The following CDR2 variants were observed in gnomAD, a reference collection of about 807,000 sequenced individuals.
The protein encoded by CDR2 is cerebellar degeneration-related protein 2.
A neutral mutation model predicts 48.4 loss-of-function variants in CDR2; 34 were observed. The observed-to-expected ratio is 0.70, with a 90% CI of 0.53 to 0.94. The LOEUF (loss-of-function observed/expected upper bound fraction) is 0.94, where lower values mean the gene tolerates loss of function less well. CDR2 is among the 40% of genes least tolerant of loss of function. The pLI is 0.00. For synonymous variants in CDR2, 240 were observed against 219.7 expected, an observed-to-expected ratio of 1.09 and a Z score of -0.82; for missense variants, 498 against 549.5, an observed-to-expected ratio of 0.91 and a Z score of 0.94.
intron 2 of CDR2, among the ~76,000 whole-genome samples, chr16:22,359,936 A>C (rs1385669143): frequency 6.6e-6 from 1 of 152,270 alleles, no homozygotes; most frequent in Non-Finnish European, 1.5e-5. Context: ...AAAATAAAGC[A>C]AATCAATTAA....
chr16:22,370,067 AATAAT>A (rs1458634786), intron 1 of CDR2, among the ~76,000 whole-genome samples: 1 of 152,182 alleles, frequency 6.6e-6, no homozygotes, highest in African/African-American at 2.4e-5. Context: ...CTTTGCAGGT[AATAAT>A]ATATTTTTAA....
At chr16:22,356,447 G>T (rs1046573969) in intron 2 of CDR2, among the ~76,000 whole-genome samples, 1 of 151,066 alleles carries the variant, frequency 6.6e-6, no homozygotes, top group East Asian at 2.0e-4. Context: ...GCAAAACCCC[G>T]TCTCTACTAA....
In CDR2 at chr16:22,346,027, G is replaced by GC. The variant is rs1163982325; in HGVS notation, c.*937dup. On this transcript the variant is annotated 3_prime_UTR_variant, in exon 5 of 5. Coordinates refer to ENST00000268383, the MANE Select transcript of CDR2 (RefSeq NM_001802.2). The stretch of plus-strand genomic sequence containing the variant: ...TTAAATAGTTTTAAGTTAAAAGAAT[G>GC]CAAGTGAGAGGATGTTTCCACAGTC... 6.6e-6 allele frequency: 1 copy of GC among 152,520 alleles called. No homozygotes were observed. Among genetic ancestry groups the GC allele is most frequent in the East Asian group, 1.9e-4 (1 of 5,198 alleles). 9.4% of individuals were successfully genotyped at this position (152,520 alleles called of 1,614,324 possible).
Position 22,374,413 on chromosome 16 carries a change from G to C in CDR2, c.-104C>G, listed in dbSNP as rs530777319. 210 of 578,348 alleles carry C rather than the reference G, an allele frequency of 3.6e-4. No individual in the cohort carries two copies. Among genetic ancestry groups the C allele is most frequent in the African/African-American group, 3.0e-3 (150 of 50,526 alleles). The allele number at this position is 578,348 out of a possible 1,614,324, so 35.8% of individuals were successfully genotyped here. On this transcript the variant is annotated 5_prime_UTR_variant, in exon 1 of 5. Transcript: ENST00000268383. ...TCCGCCCTCAGCCAGAGCCGCCCTC[G>C]GGCGGGACGCGCCGCCGCCCAGACT...
intron 1 of CDR2, among the ~76,000 whole-genome samples, chr16:22,370,425 TC>T (rs2049068330): frequency 6.6e-6 from 1 of 152,182 alleles, no homozygotes; most frequent in Admixed American, 6.5e-5. Context: ...CATTTACTGA[TC>T]CACATAACAG....
In CDR2 at chr16:22,347,042, A is replaced by G; in HGVS notation, c.1288T>C (p.Phe430Leu). The change falls in exon 5 of 5, where the codon TTT becomes CTT. Residue 430 changes from phenylalanine to leucine, a missense_variant. By Grantham distance (22) the Phe-to-Leu change is conservative. Transcript: ENST00000268383. ...PEYKALFKEI[F>L]SCIKKTKQEI... ...TGCTTAGTTTTCTTGATGCAACTAA[A>G]GATCTCCTTAAACAACGCTTTGTAT... 6.2e-7 allele frequency: 1 copy of G among 1,614,218 alleles called. No individual in the cohort carries two copies. Among genetic ancestry groups the G allele is most frequent in the Non-Finnish European group, 8.5e-7 (1 of 1,180,000 alleles).
chr16:22,369,479 CAAA>C (rs1298872449), intron 1 of CDR2, among the ~76,000 whole-genome samples: 2 of 152,040 alleles, frequency 1.3e-5, no homozygotes, highest in Non-Finnish European at 2.9e-5. Context: ...AGATAGCAAA[CAAA>C]AAAGAATTTG....
In CDR2 at chr16:22,361,897, CTTTTTTTT is replaced by C. The variant is rs11303236; in HGVS notation, c.192+2997_192+3004del. On this transcript the variant is annotated intron_variant, in intron 2 of 4. Coordinates refer to ENST00000268383, the MANE Select transcript of CDR2 (RefSeq NM_001802.2). ...AATAGTTTTATACATGAATTTTATA[CTTTTTTTT>C]TTTTTTTTTTTTTTGAGATGGAGTC... 1.2e-4 allele frequency among the ~76,000 whole-genome samples: 8 copies of C among 68,146 alleles called. No individual in the cohort carries two copies. The East Asian group carries it at 2.1e-3, about 18-fold the overall frequency. 44.7% of individuals were successfully genotyped at this position (68,146 alleles called of 152,430 possible). A position where few individuals can be genotyped will look rare whatever the true frequency, so the allele number is the denominator to read the frequency against.
rs2049101586 is a variant in CDR2, at chr16:22,374,232, T to A, written c.78A>T (p.Gln26His). 6.3e-7 allele frequency: 1 copy of A among 1,592,736 alleles called. No homozygotes were observed. The highest frequency in any genetic ancestry group is 8.6e-7 in the Non-Finnish European group (1 of 1,169,406). ...CCCGCGGGGCGCCCCCGCCCTCACC[T>A]TGCTGGAGGTCCTGGTGGTCGTACC... ...EPWYDHQDLQ[Q>H]DLQLAAELGK... Residue 26 changes from glutamine (Q) to histidine (H), a missense_variant and splice_region_variant, in exon 1 of 5, where the codon CAA becomes CAT. By Grantham distance (24) the Gln-to-His change is conservative. Coordinates refer to ENST00000268383, the MANE Select transcript of CDR2 (RefSeq NM_001802.2).
At position 22,349,746 on chromosome 16, in the gene CDR2, T is replaced by C. The variant is rs2048929734; in HGVS notation, c.296A>G (p.Gln99Arg). 6.2e-7 allele frequency: 1 copy of C among 1,614,218 alleles called. No homozygotes were observed. The highest frequency in any genetic ancestry group is 8.5e-7 in the Non-Finnish European group (1 of 1,180,018). Residue 99 changes from glutamine (Q) to arginine (R), a missense_variant, in exon 3 of 5, where the codon CAA becomes CGA. Coordinates refer to ENST00000268383, the MANE Select transcript of CDR2 (RefSeq NM_001802.2). Reference protein sequence around the residue: ...VTARELEETNQKLVADSKASQ... With the variant: ...VTARELEETNRKLVADSKASQ... ...GGCCTTGCTGTCAGCAACTAGCTTT[T>C]GATTTGTTTCTTCCAGTTCCCTTGC... is the stretch of plus-strand genomic sequence containing the variant.
Position 22,347,720 on chromosome 16 carries a change from T to G in CDR2, c.610A>C (p.Met204Leu). The change falls in exon 5 of 5, where the codon ATG becomes CTG. Residue 204 changes from methionine (M) to leucine (L), a missense_variant. Transcript: ENST00000268383. ...TCCAGGCTCAGCTGGGCCTGCAACA[T>G]TGTCACTGTTTTTTTCAAGTGCTCA... ...ENEHLKKTVTMLQAQLSLERQ... is the reference protein window; with the variant it reads ...ENEHLKKTVTLLQAQLSLERQ... 1 of 1,614,136 alleles carries G rather than the reference T, an allele frequency of 6.2e-7. No homozygotes were observed. Among genetic ancestry groups the G allele is most frequent in the South Asian group, 1.1e-5 (1 of 91,076 alleles).
chr16:22,368,673 C>T (rs1167384956), intron 1 of CDR2: 1 of 152,214 alleles, frequency 6.6e-6, no homozygotes, highest in African/African-American at 2.4e-5. Context: ...GGTTCTCACT[C>T]TCACTCTCAT....
At position 22,358,387 on chromosome 16, in the gene CDR2, T is replaced by C. The variant is rs566679617; in HGVS notation, c.192+6515A>G. On this transcript the variant is annotated intron_variant, in intron 2 of 4. Transcript: ENST00000268383. ...AATGCCTTGGGTTTATCTCACTGTC[T>C]AGGAATTTGCACAGACTGTCACCTC... Among the ~76,000 whole-genome samples, 5 of 152,292 alleles carry C rather than the reference T, an allele frequency of 3.3e-5. No homozygotes were observed. In the East Asian group the frequency reaches 9.6e-4, roughly 29 times the overall value.
chr16:22,358,613 G>T (rs774643397), intron 2 of CDR2, among the ~76,000 whole-genome samples: 4 of 152,176 alleles, frequency 2.6e-5, no homozygotes, highest in Admixed American at 6.5e-5. Context: ...TGGAAATCTG[G>T]CTTGTAAGCA....
chr16:22,370,591 T>G (rs989467199), intron 1 of CDR2, among the ~76,000 whole-genome samples: 1 of 152,198 alleles, frequency 6.6e-6, no homozygotes, highest in African/African-American at 2.4e-5. Flanking sequence ...GCTCCTGCTG[T>G]CCCAGAAAAG....
At chr16:22,362,048 C>T (rs2049014022) in intron 2 of CDR2, among the ~76,000 whole-genome samples, 1 of 151,948 alleles carries the variant, frequency 6.6e-6, no homozygotes, top group Admixed American at 6.6e-5. Flanking sequence ...ACTACAGGCG[C>T]CCGCCACCAC....
chr16:22,346,173 G>A lies in CDR2; in HGVS notation c.*792C>T, dbSNP rs1270826003. On this transcript the variant is annotated 3_prime_UTR_variant, in exon 5 of 5. Coordinates refer to ENST00000268383, the MANE Select transcript of CDR2 (RefSeq NM_001802.2). ...GGCAAGTCAGCCAGCTCAGAAAACA[G>A]GTAGGAAGGGAAGGGGTTTGATCTT... The A allele has an allele frequency of 6.6e-6, 1 of 152,370 alleles. No homozygotes were observed. The highest frequency in any genetic ancestry group is 1.5e-5 in the Non-Finnish European group (1 of 68,048). 9.4% of individuals were successfully genotyped at this position (152,370 alleles called of 1,614,324 possible). A position where few individuals can be genotyped will look rare whatever the true frequency, so the allele number is the denominator to read the frequency against.
Position 22,346,728 on chromosome 16 carries a change from C to T in CDR2, c.*237G>A, listed in dbSNP as rs1369835709. 1.3e-5 allele frequency: 7 copies of T among 527,864 alleles called. No individual in the cohort carries two copies. Among genetic ancestry groups the T allele is most frequent in the Admixed American group, 6.6e-5 (2 of 30,350 alleles). The allele number at this position is 527,864 out of a possible 1,614,324, so 32.7% of individuals were successfully genotyped here. On this transcript the variant is annotated 3_prime_UTR_variant, in exon 5 of 5. Transcript: ENST00000268383. ...TTTTCAGGAACTGAAGTCTAATCAG[C>T]GCGCCAGCCAGAGGCCAGTTTGTCA...
rs982085404 is a variant in CDR2 at position 22,346,425 on chromosome 16, A to T, written c.*540T>A. 6.5e-6 allele frequency: 1 copy of T among 154,956 alleles called. No individual in the cohort carries two copies. Among genetic ancestry groups the T allele is most frequent in the Non-Finnish European group, 1.4e-5 (1 of 69,612 alleles). 9.6% of individuals were successfully genotyped at this position (154,956 alleles called of 1,614,324 possible). A position where few individuals can be genotyped will look rare whatever the true frequency, so the allele number is the denominator to read the frequency against. ...CAGTCACAGTTCAACTAGTTCAGATATAACAAAACTCAAGGACTTGGAGTA... is the reference window on the plus strand; with the variant it reads ...CAGTCACAGTTCAACTAGTTCAGATTTAACAAAACTCAAGGACTTGGAGTA... On this transcript the variant is annotated 3_prime_UTR_variant, in exon 5 of 5. Transcript: ENST00000268383.
Sources: gnomAD v4.1 joint callset for allele counts (sites outside exome capture counted in the v4.1 genomes callset) on GRCh38, gnomAD v4.1.1 for gene constraint, MANE v1.5 for transcripts, NCBI Gene and HGNC (gene_info 2026-07-23, HGNC 2026-07-21) for gene names.